The following LINGO2 variants were observed in gnomAD, a reference collection of about 807,000 sequenced individuals.
LINGO2 encodes the protein leucine-rich repeat and immunoglobulin-like domain-containing nogo receptor-interacting protein 2.
In LINGO2, 14 loss-of-function variants were observed where a neutral mutation model predicts 30.6. The observed-to-expected ratio is 0.46, with a 90% CI of 0.30 to 0.72. The LOEUF (loss-of-function observed/expected upper bound fraction) is 0.72. Ranked by LOEUF, LINGO2 falls within the 30% of genes least tolerant of loss-of-function variation. The pLI is 0.07. For missense variants in LINGO2, 729 were observed against 751.7 expected, an observed-to-expected ratio of 0.97 and a Z score of 0.35; for synonymous variants, 317 against 288.5, an observed-to-expected ratio of 1.10 and a Z score of -1.00.
chr9:28,775,061 A>T, the LINGO2 span, among the ~76,000 whole-genome samples: 1 of 152,220 alleles, frequency 6.6e-6, no homozygotes, highest in African/African-American at 2.4e-5. Flanking sequence ...AGTGACCAAT[A>T]ATGTGTGTGC....
the LINGO2 span, among the ~76,000 whole-genome samples, chr9:28,920,130 G>T: frequency 1.3e-5 from 2 of 152,060 alleles, no homozygotes; most frequent in South Asian, 2.1e-4. Context: ...ATTCTCAGAA[G>T]TGAAATTACT....
At chr9:27,982,506 C>A (rs543096163) in intron 5 of LINGO2, among the ~76,000 whole-genome samples, 127 of 151,952 alleles carry the variant, frequency 8.4e-4, no homozygotes, top group African/African-American at 3.0e-3. Flanking sequence ...GTTCTAAGAA[C>A]TTCACATGCA....
chr9:28,358,109 T>A (rs1820298618), intron 3 of LINGO2, among the ~76,000 whole-genome samples: 1 of 152,178 alleles, frequency 6.6e-6, no homozygotes, highest in Admixed American at 6.5e-5. Flanking sequence ...TTATAATTTT[T>A]AGCTTGTAAA....
At chr9:28,522,874 T>C (rs1820876973) in intron 1 of LINGO2, among the ~76,000 whole-genome samples, 1 of 150,860 alleles carries the variant, frequency 6.6e-6, no homozygotes, top group Admixed American at 6.6e-5. Flanking sequence ...ACAAGGAACC[T>C]GTAGAAATCA....
intron 4 of LINGO2, among the ~76,000 whole-genome samples, chr9:28,241,435 T>C (rs1290410911): frequency 1.3e-5 from 2 of 152,048 alleles, no homozygotes; most frequent in Non-Finnish European, 2.9e-5. Context: ...GGTTCTGTCA[T>C]TAGGACTGAC....
the LINGO2 span, among the ~76,000 whole-genome samples, chr9:28,745,071 C>A: frequency 6.6e-6 from 1 of 151,976 alleles, no homozygotes; most frequent in Non-Finnish European, 1.5e-5. Context: ...GTTTATTTAT[C>A]CTTGCCCATG....
At position 28,149,855 on chromosome 9, in the gene LINGO2, G is replaced by T. The variant is rs563357344; in HGVS notation, c.-86-137450C>A. ...CGCCTCACGGTATGGGAAGTGAGGA[G>T]CGCCTCTGCCCAGCCGCCGCCCTGT... is the stretch of plus-strand genomic sequence containing the variant. On this transcript the variant is annotated intron_variant, in intron 4 of 5. Transcript: ENST00000379992. Among the ~76,000 whole-genome samples, 5 of 150,116 alleles carry T rather than the reference G, an allele frequency of 3.3e-5. No homozygotes were observed. In the East Asian group the frequency reaches 1.0e-3, roughly 30 times the overall value.
At chr9:28,715,992 A>G in the LINGO2 span, among the ~76,000 whole-genome samples, 2 of 151,956 alleles carry the variant, frequency 1.3e-5, no homozygotes, top group African/African-American at 2.4e-5. Context: ...AATAGTGACA[A>G]TAAAATGTGT....
chr9:28,927,115 T>C, the LINGO2 span, among the ~76,000 whole-genome samples: 1 of 152,248 alleles, frequency 6.6e-6, no homozygotes, highest in Admixed American at 6.5e-5. Flanking sequence ...AAAGAGAACA[T>C]ATCTTTTTGG....
intron 4 of LINGO2, among the ~76,000 whole-genome samples, chr9:28,032,899 CCTT>C (rs1823751997): frequency 6.6e-6 from 1 of 152,302 alleles, no homozygotes; most frequent in African/African-American, 2.4e-5. Context: ...CAGGCGGCTG[CCTT>C]CTTTTGTCTG....
At chr9:28,389,838 GACA>G (rs1215902577) in intron 2 of LINGO2, among the ~76,000 whole-genome samples, 1 of 152,128 alleles carries the variant, frequency 6.6e-6, no homozygotes, top group Non-Finnish European at 1.5e-5. Context: ...ACCTATGGAG[GACA>G]CAATAAATTT....
the LINGO2 span, among the ~76,000 whole-genome samples, chr9:28,708,170 C>G: frequency 1.3e-5 from 2 of 151,998 alleles, no homozygotes; most frequent in Non-Finnish European, 2.9e-5. Context: ...TAACAAGTAT[C>G]AAGGCAGCAT....
intron 4 of LINGO2, among the ~76,000 whole-genome samples, chr9:28,146,629 A>G (rs577542591): frequency 1.3e-5 from 2 of 152,100 alleles, no homozygotes; most frequent in East Asian, 3.9e-4. Context: ...TTCTCCAATA[A>G]CAAGATGTAG....
intron 4 of LINGO2, among the ~76,000 whole-genome samples, chr9:28,028,746 AT>A (rs1212199531): frequency 2.3e-4 from 35 of 151,960 alleles, no homozygotes; most frequent in Admixed American, 1.5e-3. Context: ...TGTTTTTTGT[AT>A]TTTTTTTCTT....
the LINGO2 span, among the ~76,000 whole-genome samples, chr9:29,050,327 T>C: frequency 0.041 from 6,254 of 152,302 alleles, 198 homozygotes; most frequent in Admixed American, 0.083. Context: ...CCCAGCCTTA[T>C]GCGCTTATTT....
chr9:28,453,860 T>C (rs780802783), intron 2 of LINGO2, among the ~76,000 whole-genome samples: 53 of 151,818 alleles, frequency 3.5e-4, no homozygotes, highest in Non-Finnish European at 6.3e-4. Context: ...TTCTGATTAG[T>C]GGTTTAAAAA....
At chr9:28,934,722 T>C in the LINGO2 span, among the ~76,000 whole-genome samples, 17,326 of 151,904 alleles carry the variant, frequency 0.11, 987 homozygotes, top group South Asian at 0.16. Context: ...AGTAAGACAA[T>C]AGAGAGCTCC....
the LINGO2 span, among the ~76,000 whole-genome samples, chr9:29,145,247 A>G: frequency 6.6e-6 from 1 of 152,166 alleles, no homozygotes; most frequent in Admixed American, 6.5e-5. Context: ...CTGGGCACAC[A>G]TTATGGTGAT....
At chr9:28,233,523 T>C (rs1381952227) in intron 4 of LINGO2, among the ~76,000 whole-genome samples, 1 of 152,094 alleles carries the variant, frequency 6.6e-6, no homozygotes, top group Non-Finnish European at 1.5e-5. Flanking sequence ...GAAGGAAAAA[T>C]AAAATTATAT....
Sources: gnomAD v4.1 joint callset for allele counts (sites outside exome capture counted in the v4.1 genomes callset) on GRCh38, gnomAD v4.1.1 for gene constraint, MANE v1.5 for transcripts, NCBI Gene and HGNC (gene_info 2026-07-23, HGNC 2026-07-21) for gene names.